PLXDC1: variants seen among roughly 807,000 people sequenced by gnomAD.
PLXDC1 encodes the protein plexin domain-containing protein 1.
PLXDC1 carries 39 observed loss-of-function variants against 61.3 expected under a neutral mutation model. The ratio of observed to expected loss-of-function variants is 0.64; its 90% CI spans 0.49 to 0.83. The LOEUF (loss-of-function observed/expected upper bound fraction) is 0.83, where lower values mean the gene tolerates loss of function less well. Ranked by LOEUF, PLXDC1 falls within the 40% of genes least tolerant of loss-of-function variation. The probability of loss-of-function intolerance (pLI) is 0.00; values close to 1 mark genes in which losing one functional copy is unlikely to be tolerated. For synonymous variants in PLXDC1, 212 were observed against 254.5 expected (o/e 0.83, Z 1.59); for missense variants, 596 against 666.5 (o/e 0.89, Z 1.17).
intron 2 of PLXDC1, among the ~76,000 whole-genome samples, chr17:39,130,844 G>A (rs560570842): frequency 6.6e-6 from 1 of 152,246 alleles, no homozygotes; most frequent in South Asian, 2.1e-4. Flanking sequence ...TTACAGGCAT[G>A]AGCCACCGCA....
chr17:39,108,229 C>G lies in PLXDC1; in HGVS notation c.486G>C (p.Gly162=), dbSNP rs776686004. The change falls in exon 5 of 14, where the codon GGG becomes GGC. Residue 162 remains glycine, a synonymous_variant. Transcript: ENST00000315392. ...TIATGGFIFM[G]DVIHRMLTAT... ...CTGTGAGCATCCGATGGATCACGTC[C>G]CCCATGAAGATGAAGCCTAGGGTGG... 6.2e-7 allele frequency: 1 copy of G among 1,614,038 alleles called. No homozygotes were observed. The highest frequency in any genetic ancestry group is 8.5e-7 in the Non-Finnish European group (1 of 1,180,006).
chr17:39,076,076 TGAAAAAAAAAAAAA>T (rs201716207), intron 11 of PLXDC1, among the ~76,000 whole-genome samples: 28,531 of 86,214 alleles, frequency 0.33, 3,529 homozygotes, highest in Middle Eastern at 0.45. Flanking sequence ...GGACTAAGTC[TGAAAAAAAAAAAAA>T]GAAAAAAAAA....
chr17:39,086,183 A>G (rs7503835), intron 8 of PLXDC1, among the ~76,000 whole-genome samples: 41,395 of 152,094 alleles, frequency 0.27, 6,388 homozygotes, highest in East Asian at 0.43. Flanking sequence ...CATAGAGGCT[A>G]AGGTTTGCTC....
At chr17:39,086,665 C>T (rs1222118972) in intron 8 of PLXDC1, among the ~76,000 whole-genome samples, 1 of 151,886 alleles carries the variant, frequency 6.6e-6, no homozygotes, top group African/African-American at 2.4e-5. Context: ...AGTTCAAAAC[C>T]AGCCTGGCCG....
intron 7 of PLXDC1, among the ~76,000 whole-genome samples, chr17:39,102,434 C>T (rs1286073665): frequency 6.6e-6 from 1 of 152,030 alleles, no homozygotes; most frequent in Non-Finnish European, 1.5e-5. Context: ...TGCCCTTTGA[C>T]CCAATGATTG....
chr17:39,130,331 T>C (rs996392515), intron 2 of PLXDC1, among the ~76,000 whole-genome samples: 1 of 152,064 alleles, frequency 6.6e-6, no homozygotes, highest in Non-Finnish European at 1.5e-5. Flanking sequence ...CATATGCCTA[T>C]AGTCCCAGTT....
intron 11 of PLXDC1, among the ~76,000 whole-genome samples, chr17:39,074,297 A>G (rs1909241034): frequency 6.6e-6 from 1 of 152,152 alleles, no homozygotes; most frequent in African/African-American, 2.4e-5. Context: ...TGAGCCCAGG[A>G]GTTCAAGTCC....
chr17:39,089,028 GAAAGAAAGA>G (rs1033369053), intron 7 of PLXDC1, among the ~76,000 whole-genome samples: 10 of 145,570 alleles, frequency 6.9e-5, no homozygotes, highest in Middle Eastern at 3.6e-3. Flanking sequence ...AGAAAGAACG[GAAAGAAAGA>G]AAAGAAAGAA....
At chr17:39,142,756 A>G (rs1036470031) in intron 1 of PLXDC1, among the ~76,000 whole-genome samples, 12 of 151,376 alleles carry the variant, frequency 7.9e-5, no homozygotes, top group Admixed American at 3.3e-4. Context: ...CTGGCCTTGA[A>G]CTCCTGGGCT....
chr17:39,149,009 A>G (rs894898868), intron 1 of PLXDC1, among the ~76,000 whole-genome samples: 2 of 151,990 alleles, frequency 1.3e-5, no homozygotes, highest in Admixed American at 6.6e-5. Context: ...TATCTGTCAT[A>G]TGCACCTCTG....
intron 6 of PLXDC1, among the ~76,000 whole-genome samples, chr17:39,107,189 C>T (rs1352843578): frequency 2.6e-5 from 4 of 152,188 alleles, no homozygotes; most frequent in Non-Finnish European, 1.5e-5. Context: ...TACTTGGGAG[C>T]GCTTGTCACA....
intron 7 of PLXDC1, among the ~76,000 whole-genome samples, chr17:39,101,572 C>T (rs1197021198): frequency 6.6e-6 from 1 of 152,160 alleles, no homozygotes; most frequent in Admixed American, 6.5e-5. Context: ...CCAACGGGCC[C>T]ATGGATCAAG....
intron 2 of PLXDC1, among the ~76,000 whole-genome samples, chr17:39,118,080 CCCTCCCTT>C (rs1268072047): frequency 8.9e-5 from 8 of 90,056 alleles, no homozygotes; most frequent in Non-Finnish European, 1.9e-4. Context: ...CTCCCTCCCT[CCCTCCCTT>C]CCTTCCTTCC....
At chr17:39,142,373 T>G (rs745628077) in intron 1 of PLXDC1, among the ~76,000 whole-genome samples, 1 of 152,214 alleles carries the variant, frequency 6.6e-6, no homozygotes, top group Non-Finnish European at 1.5e-5. Context: ...GGAAGGACTG[T>G]GAAGATCAAT....
intron 2 of PLXDC1, among the ~76,000 whole-genome samples, chr17:39,132,473 C>T (rs1911598055): frequency 2.6e-5 from 4 of 152,162 alleles, no homozygotes; most frequent in Admixed American, 2.6e-4. Context: ...GTCCTGTTTC[C>T]ACTGTGATGT....
intron 2 of PLXDC1, among the ~76,000 whole-genome samples, chr17:39,122,943 G>A (rs916098301): frequency 2.0e-5 from 3 of 152,306 alleles, no homozygotes; most frequent in East Asian, 3.9e-4. Flanking sequence ...ACAGAGAAGG[G>A]TTGGAGCCTA....
intron 2 of PLXDC1, among the ~76,000 whole-genome samples, chr17:39,128,628 A>G (rs892631273): frequency 6.6e-6 from 1 of 152,182 alleles, no homozygotes; most frequent in Non-Finnish European, 1.5e-5. Context: ...TTGCTGTGGA[A>G]AACAGTCTGG....
chr17:39,140,600 T>C (rs1410149445), intron 1 of PLXDC1, among the ~76,000 whole-genome samples: 1 of 152,234 alleles, frequency 6.6e-6, no homozygotes, highest in Non-Finnish European at 1.5e-5. Flanking sequence ...CCACCGCGCC[T>C]AGCCTCGATT....
chr17:39,077,321 CG>C (rs1415406065), intron 11 of PLXDC1, among the ~76,000 whole-genome samples: 1 of 152,150 alleles, frequency 6.6e-6, no homozygotes, highest in African/African-American at 2.4e-5. Context: ...GGTGCATTCA[CG>C]GGGATGGACC....
Sources: gnomAD v4.1 joint callset for allele counts (sites outside exome capture counted in the v4.1 genomes callset) on GRCh38, gnomAD v4.1.1 for gene constraint, MANE v1.5 for transcripts, NCBI Gene and HGNC (gene_info 2026-07-23, HGNC 2026-07-21) for gene names.